The following MACF1 variants were observed in gnomAD, a reference collection of about 807,000 sequenced individuals.
MACF1 encodes the protein microtubule actin crosslinking factor 1.
A neutral mutation model predicts 854.8 loss-of-function variants in MACF1; 193 were observed. The observed-to-expected ratio is 0.23, with a 90% confidence interval of 0.20 to 0.25. The LOEUF (loss-of-function observed/expected upper bound fraction) is 0.25, where lower values mean the gene tolerates loss of function less well. MACF1 is among the 10% of genes least tolerant of loss of function. The pLI, the probability that MACF1 is intolerant of heterozygous loss-of-function variation, is 1.00. For missense variants in MACF1, 7,722 were observed against 8,929.1 expected, an observed-to-expected ratio of 0.86 and a Z score of 5.45; for synonymous variants, 3,185 against 3,226.7, an observed-to-expected ratio of 0.99 and a Z score of 0.44.
chr1:39,462,766 G>A (rs182752468), intron 93 of MACF1, among the ~76,000 whole-genome samples: 4 of 152,114 alleles, frequency 2.6e-5, no homozygotes, highest in Non-Finnish European at 5.9e-5. Context: ...GTTTAAAATG[G>A]TGTATACCCA....
At chr1:39,294,053 A>AT (rs1645850692) in intron 18 of MACF1, among the ~76,000 whole-genome samples, 2 of 152,176 alleles carry the variant, frequency 1.3e-5, no homozygotes, top group Admixed American at 6.5e-5. Flanking sequence ...AATAGCACGT[A>AT]TTCCCCAACG....
intron 6 of MACF1, among the ~76,000 whole-genome samples, chr1:39,271,432 T>C (rs1645318508): frequency 6.6e-6 from 1 of 152,168 alleles, no homozygotes; most frequent in Admixed American, 6.5e-5. Flanking sequence ...GCTAAACCAT[T>C]CATGAGAAAT....
At position 39,335,838 on chromosome 1, in the gene MACF1, A is replaced by C. The variant is rs1267206065; in HGVS notation, c.9250A>C (p.Lys3084Gln). Residue 3084 changes from lysine to glutamine, a missense_variant, in exon 37 of 101, where the codon AAA (lysine) becomes CAA (glutamine). Physicochemically the swap from Lys to Gln is moderately conservative, Grantham distance 53. Around this residue, in one of 15 missense-constraint regions of MACF1, gnomAD observed 854 missense variants for 852.6 expected, o/e 1.00. Transcript: ENST00000564288. The part of the protein sequence containing the change: ...VNNLSLCLTL[K>Q]PEENLSREIA... The stretch of plus-strand genomic sequence containing the variant: ...CAATTTAAGTCTCTGCTTGACTTTA[A>C]AACCAGAAGAAAACTTATCTCGAGA... The C allele has an allele frequency of 5.6e-6, 9 of 1,614,062 alleles. No individual in the cohort carries two copies. The highest frequency in any genetic ancestry group is 7.6e-6 in the Non-Finnish European group (9 of 1,180,030).
chr1:39,369,379 A>C (rs1186468491), intron 50 of MACF1, among the ~76,000 whole-genome samples: 2 of 152,202 alleles, frequency 1.3e-5, no homozygotes, highest in Non-Finnish European at 2.9e-5. Context: ...AGAAGAAAAG[A>C]GTTGCTCAAA....
At chr1:39,146,288 C>G (rs1643461865) in intron 2 of MACF1, among the ~76,000 whole-genome samples, 1 of 151,864 alleles carries the variant, frequency 6.6e-6, no homozygotes, top group Non-Finnish European at 1.5e-5. Flanking sequence ...ACTAAAAATA[C>G]AAAAACTAGC....
Position 39,283,005 on chromosome 1 carries a change from T to A in MACF1, c.696-184T>A, listed in dbSNP as rs891055673. 1 of 556,162 alleles carries A rather than the reference T, an allele frequency of 1.8e-6. No homozygotes were observed. Among genetic ancestry groups the A allele is most frequent in the Non-Finnish European group, 3.2e-6 (1 of 314,460 alleles). The allele number at this position is 556,162 out of a possible 1,614,324, so 34.5% of individuals were successfully genotyped here. A position where few individuals can be genotyped will look rare whatever the true frequency, so the allele number is the denominator to read the frequency against. ...TAAACTGTATGTTTAAGTTTAGCAT[T>A]AGGGAGCACTGGGCCCCTGGTGTAT... is the stretch of plus-strand genomic sequence containing the variant. On this transcript the variant is annotated intron_variant, in intron 7 of 100. Transcript: ENST00000564288. The surrounding 1 kb of genome is among the most constrained non-coding windows in gnomAD (Gnocchi z 4.5).
chr1:39,139,470 T>C (rs1181656053), intron 2 of MACF1, among the ~76,000 whole-genome samples: 1 of 152,158 alleles, frequency 6.6e-6, no homozygotes, highest in Non-Finnish European at 1.5e-5. Flanking sequence ...TTGGCCAGGC[T>C]GGTCTCAAAT....
chr1:39,291,353 A>G (rs1645783987), intron 15 of MACF1, among the ~76,000 whole-genome samples: 1 of 152,210 alleles, frequency 6.6e-6, no homozygotes, highest in Non-Finnish European at 1.5e-5. Flanking sequence ...GTTCAATGAT[A>G]GTGGTTCAAA....
chr1:39,442,970 A>G, intron 78 of MACF1, 59 bp downstream of exon 78: 3 of 1,511,408 alleles, frequency 2.0e-6, no homozygotes, highest in Non-Finnish European at 2.7e-6. Flanking sequence ...AAGCCTATCT[A>G]AGTCAGAGAG....
At chr1:39,153,055 TTGA>T (rs1223063208) in intron 2 of MACF1, among the ~76,000 whole-genome samples, 1 of 152,040 alleles carries the variant, frequency 6.6e-6, no homozygotes, top group East Asian at 1.9e-4. Context: ...TTTGATGGAG[TTGA>T]TGAGAGAAAC....
Position 39,447,826 on chromosome 1 carries a change from A to G in MACF1, c.19896A>G (p.Arg6632=), listed in dbSNP as rs1029154930. Residue 6632 remains arginine, a synonymous_variant, in exon 82 of 101, where the codon CGA becomes CGG. Transcript: ENST00000564288. ...ATTTGTTGGTGAGCGTGCAGTCTCG[A>G]TGGGAGAAGGTTGTCCAGCGATCTA... ...IKNLLVSVQS[R]WEKVVQRSIE... The G allele has an allele frequency of 7.4e-6, 12 of 1,613,434 alleles. No homozygotes were observed. Among genetic ancestry groups the G allele is most frequent in the African/African-American group, 4.0e-5 (3 of 74,728 alleles).
rs905176169 is a variant in MACF1 at position 39,105,359 on chromosome 1, C to G, written c.220+20921C>G. On this transcript the variant is annotated intron_variant, in intron 2 of 93. Transcript: ENST00000361689. This position sits in a 1 kb window ranked among gnomAD's most constrained non-coding sequence, Gnocchi z 5.9. ...GCCCGCCGCTGCAGCCGCGCCGGGGCGGGCTGAGGGAGGAGCGGAGCCGAG... is the reference window on the plus strand; with the variant it reads ...GCCCGCCGCTGCAGCCGCGCCGGGGGGGGCTGAGGGAGGAGCGGAGCCGAG... The G allele has an allele frequency of 3.1e-6, 3 of 967,354 alleles. No homozygotes were observed. Among genetic ancestry groups the G allele is most frequent in the Admixed American group, 6.2e-5 (1 of 16,078 alleles). The allele number at this position is 967,354 out of a possible 1,614,324, so 59.9% of individuals were successfully genotyped here.
chr1:39,102,374 C>T (rs1006167068), intron 2 of MACF1, among the ~76,000 whole-genome samples: 3 of 149,280 alleles, frequency 2.0e-5, no homozygotes. Context: ...AGACACTGTA[C>T]CATAACTTCA....
intron 44 of MACF1, among the ~76,000 whole-genome samples, chr1:39,353,539 T>C (rs1250489801): frequency 1.3e-5 from 2 of 152,204 alleles, no homozygotes; most frequent in Non-Finnish European, 2.9e-5. Flanking sequence ...CAGTCTCATC[T>C]ACTCACAACA....
At chr1:39,239,109 C>A (rs1644892043) in intron 2 of MACF1, among the ~76,000 whole-genome samples, 1 of 152,134 alleles carries the variant, frequency 6.6e-6, no homozygotes, top group Admixed American at 6.5e-5. Flanking sequence ...GGTGAAACCC[C>A]ATCTCTACTA....
At chr1:39,455,187 C>G (rs918543867) in intron 89 of MACF1, 90 bp downstream of exon 89, 1 of 1,241,930 alleles carries the variant, frequency 8.1e-7, no homozygotes, top group Non-Finnish European at 1.1e-6. Context: ...TTTTAAATGG[C>G]TGCTTAACAC....
chr1:39,285,035 A>G, intron 11 of MACF1, 48 bp from the exon 12 acceptor site: 1 of 1,604,634 alleles, frequency 6.2e-7, no homozygotes, highest in Non-Finnish European at 8.5e-7. Flanking sequence ...CAAAACTGGG[A>G]CAAGAGGGCA....
chr1:39,164,213 G>T (rs1195100310), intron 2 of MACF1, among the ~76,000 whole-genome samples: 1 of 152,004 alleles, frequency 6.6e-6, no homozygotes, highest in Non-Finnish European at 1.5e-5. Context: ...ATTTTTCTGT[G>T]CATTTCTGAT....
rs1644528696 is a variant in MACF1 at position 39,460,269 on chromosome 1, C to T, written c.21361-363C>T. On this transcript the variant is annotated intron_variant, in intron 91 of 100. Coordinates refer to ENST00000564288, the MANE Select transcript of MACF1 (RefSeq NM_001394062.1). This position sits in a 1 kb window ranked among gnomAD's most constrained non-coding sequence, Gnocchi z 4.1. ...TTCAAAACAACATAATCGAGGAGTG[C>T]TAAGGACCTCCCTTCTGGGTTAGAA... Among the ~76,000 whole-genome samples, 1 of 152,178 alleles carries T rather than the reference C, an allele frequency of 6.6e-6. No homozygotes were observed. Among genetic ancestry groups the T allele is most frequent in the South Asian group, 2.1e-4 (1 of 4,830 alleles).
Sources: gnomAD v4.1 joint callset for allele counts (sites outside exome capture counted in the v4.1 genomes callset) on GRCh38, gnomAD v4.1.1 for gene constraint, gnomAD v4.1.1 regional missense constraint, Gnocchi (gnomAD v3.1) non-coding constraint, MANE v1.5 for transcripts, NCBI Gene and HGNC (gene_info 2026-07-23, HGNC 2026-07-21) for gene names.